Variants in MAB21L3 observed in about 807,000 individuals in gnomAD.
MAB21L3 encodes mab-21 like 3, also known as protein mab-21-like 3.
In MAB21L3, 36 loss-of-function variants were observed where a neutral mutation model predicts 37.7. That is an observed-to-expected ratio of 0.96 (90% CI 0.73 to 1.26). The LOEUF (loss-of-function observed/expected upper bound fraction) is 1.26. Among genes scored for constraint, MAB21L3 ranks in the 50% most tolerant of loss-of-function variants. The probability of loss-of-function intolerance (pLI) is 0.00; values close to 1 mark genes in which losing one functional copy is unlikely to be tolerated. For missense variants in MAB21L3, 430 were observed against 447.3 expected (o/e 0.96, Z 0.35); for synonymous variants, 186 against 176.8 (o/e 1.05, Z -0.41).
chr1:116,111,469 A>T lies in MAB21L3; in HGVS notation c.-433A>T. Among the ~76,000 whole-genome samples the T allele has an allele frequency of 6.6e-6, 1 of 152,318 alleles. No homozygotes were observed. The highest frequency in any genetic ancestry group is 2.4e-5 in the African/African-American group (1 of 41,566). On this transcript the variant is annotated 5_prime_UTR_variant, in exon 1 of 8. Transcript: ENST00000369500. Reference sequence around the variant, plus strand: ...AGTGGCCTTTGTGGGCAGCACTTACAGGTGGGCTTGGAAACACTTGCCTTT... The same window carrying T: ...AGTGGCCTTTGTGGGCAGCACTTACTGGTGGGCTTGGAAACACTTGCCTTT...
At chr1:116,120,530 AT>A (rs1463180779) in intron 3 of MAB21L3, among the ~76,000 whole-genome samples, 1 of 150,670 alleles carries the variant, frequency 6.6e-6, no homozygotes, top group Non-Finnish European at 1.5e-5. Context: ...ACTATATATT[AT>A]AATATTGATA....
At chr1:116,126,958 G>A (rs1262929944) in intron 5 of MAB21L3, among the ~76,000 whole-genome samples, 1 of 152,192 alleles carries the variant, frequency 6.6e-6, no homozygotes. Flanking sequence ...CCAACTGTAA[G>A]TTAATGTAAG....
intron 3 of MAB21L3, among the ~76,000 whole-genome samples, chr1:116,120,342 CT>C (rs1461168336): frequency 6.6e-6 from 1 of 151,386 alleles, no homozygotes; most frequent in Non-Finnish European, 1.5e-5. Context: ...CCTTTATTCT[CT>C]AGTCCCTTAT....
chr1:116,131,475 T>A (rs1246174427), intron 7 of MAB21L3, among the ~76,000 whole-genome samples: 1 of 152,210 alleles, frequency 6.6e-6, no homozygotes, highest in Non-Finnish European at 1.5e-5. Flanking sequence ...TGTTTTTAGC[T>A]AACAAACAAT....
intron 4 of MAB21L3, 95 bp from the exon 5 acceptor site, chr1:116,123,971 C>A: frequency 1.5e-6 from 2 of 1,334,684 alleles, no homozygotes; most frequent in Non-Finnish European, 2.1e-6. Context: ...GAGTGGTTAA[C>A]AGAGCTGCCT....
Position 116,133,375 on chromosome 1 carries a change from C to T in MAB21L3, c.*10C>T, listed in dbSNP as rs375015482. On this transcript the variant is annotated 3_prime_UTR_variant, in exon 8 of 8. Coordinates refer to ENST00000369500, the MANE Select transcript of MAB21L3 (RefSeq NM_152367.3). ...GATCGGCCCGCCCTGATGGTTGCCC[C>T]GGCCTGGGAGGCTCTTGGACATTTT... The T allele has an allele frequency of 3.9e-5, 62 of 1,610,016 alleles. No individual in the cohort carries two copies. The highest frequency in any genetic ancestry group is 1.9e-4 in the African/African-American group (14 of 74,850).
Position 116,135,343 on chromosome 1 carries a change from C to A in MAB21L3, c.*1978C>A, listed in dbSNP as rs2101621469. The A allele has an allele frequency of 6.6e-6, 1 of 152,242 alleles. No individual in the cohort carries two copies. The highest frequency in any genetic ancestry group is 1.9e-4 in the East Asian group (1 of 5,192). The allele number at this position is 152,242 out of a possible 1,614,324, so 9.4% of individuals were successfully genotyped here. A position where few individuals can be genotyped will look rare whatever the true frequency, so the allele number is the denominator to read the frequency against. On this transcript the variant is annotated 3_prime_UTR_variant, in exon 8 of 8. Transcript: ENST00000369500. ...TACAAACTACCATCAGAGAATACTA[C>A]AAACTCCTCTACGCAAATAAACTAG...
intron 5 of MAB21L3, among the ~76,000 whole-genome samples, chr1:116,126,491 T>C (rs1054609924): frequency 3.9e-5 from 6 of 152,204 alleles, no homozygotes; most frequent in African/African-American, 1.4e-4. Context: ...TAGATACCTC[T>C]GAGGCTCGGC....
At chr1:116,114,349 G>A (rs889203238) in intron 3 of MAB21L3, among the ~76,000 whole-genome samples, 1 of 152,104 alleles carries the variant, frequency 6.6e-6, no homozygotes, top group Admixed American at 6.5e-5. Context: ...TGTGGAAGGC[G>A]ACAGGTCAAG....
chr1:116,125,234 A>C (rs1291097766), intron 5 of MAB21L3, among the ~76,000 whole-genome samples: 2 of 152,192 alleles, frequency 1.3e-5, no homozygotes, highest in East Asian at 3.8e-4. Context: ...TGTTATTAGA[A>C]GTGTAAATTG....
Position 116,112,586 on chromosome 1 carries a change from G to A in MAB21L3, c.-30G>A. On this transcript the variant is annotated 5_prime_UTR_variant, in exon 3 of 8. Coordinates refer to ENST00000369500, the MANE Select transcript of MAB21L3 (RefSeq NM_152367.3). The stretch of plus-strand genomic sequence containing the variant: ...AGAAAAAAAAAAAAACCAGGAAGTT[G>A]CTGTTCTACTGAGGACTGACCAAGA... The A allele has an allele frequency of 6.3e-7, 1 of 1,587,244 alleles. No individual in the cohort carries two copies.
chr1:116,116,510 T>A (rs571260776), intron 3 of MAB21L3, among the ~76,000 whole-genome samples: 1 of 152,304 alleles, frequency 6.6e-6, no homozygotes, highest in African/African-American at 2.4e-5. Context: ...TCATGAGTCT[T>A]GACTTTAAAT....
intron 3 of MAB21L3, among the ~76,000 whole-genome samples, chr1:116,113,213 A>G (rs1330251227): frequency 1.3e-5 from 2 of 152,188 alleles, no homozygotes; most frequent in Non-Finnish European, 2.9e-5. Flanking sequence ...AAGCCTTTTC[A>G]TTTACGGATG....
At chr1:116,127,276 A>G (rs763180805) in intron 5 of MAB21L3, among the ~76,000 whole-genome samples, 190 bp from the exon 6 acceptor site, 19 of 152,224 alleles carry the variant, frequency 1.2e-4, no homozygotes, top group East Asian at 1.9e-4. Flanking sequence ...CTGACTAACC[A>G]TCTGGTTTTG....
intron 3 of MAB21L3, among the ~76,000 whole-genome samples, chr1:116,120,726 C>A (rs1424208078): frequency 6.6e-6 from 1 of 152,116 alleles, no homozygotes; most frequent in Non-Finnish European, 1.5e-5. Context: ...GCATCTGTTA[C>A]AGAAAAGAAC....
rs1660224344 is a variant in MAB21L3, at chr1:116,137,797, A to G, written c.*4432A>G. On this transcript the variant is annotated 3_prime_UTR_variant, in exon 8 of 8. Transcript: ENST00000369500. Reference sequence around the variant, plus strand: ...ACCATGGAATACTATGCAGCCATAAAAAATGATGAGTTCATGTCCTTTGTA... The same window carrying G: ...ACCATGGAATACTATGCAGCCATAAGAAATGATGAGTTCATGTCCTTTGTA... Among the ~76,000 whole-genome samples the G allele has an allele frequency of 6.6e-6, 1 of 152,064 alleles. No individual in the cohort carries two copies. Among genetic ancestry groups the G allele is most frequent in the Non-Finnish European group, 1.5e-5 (1 of 68,008 alleles).
chr1:116,115,477 A>G (rs183352890), intron 3 of MAB21L3, among the ~76,000 whole-genome samples: 1 of 152,272 alleles, frequency 6.6e-6, no homozygotes, highest in Admixed American at 6.5e-5. Context: ...TGATGATTGG[A>G]TTTCATGCAA....
At chr1:116,131,616 G>A (rs990034107) in intron 7 of MAB21L3, among the ~76,000 whole-genome samples, 2 of 152,156 alleles carry the variant, frequency 1.3e-5, no homozygotes, top group East Asian at 1.9e-4. Context: ...CTGGGTTCAC[G>A]CCATTCTCCT....
chr1:116,112,095 G>A (rs1021674000), intron 2 of MAB21L3, among the ~76,000 whole-genome samples: 3 of 152,140 alleles, frequency 2.0e-5, no homozygotes, highest in Non-Finnish European at 4.4e-5. Flanking sequence ...AAATCAATCC[G>A]TGGGATTTTC....
Sources: allele counts gnomAD v4.1 joint callset (sites outside exome capture counted in the v4.1 genomes callset), GRCh38; gene constraint gnomAD v4.1.1; transcripts MANE v1.5; gene names NCBI Gene and HGNC (gene_info 2026-07-23, HGNC 2026-07-21).